EIF2AK2: variants seen among roughly 807,000 people sequenced by gnomAD.
EIF2AK2 encodes eukaryotic translation initiation factor 2 alpha kinase 2, also known as interferon-induced, double-stranded RNA-activated protein kinase.
A neutral mutation model predicts 70.5 loss-of-function variants in EIF2AK2; 40 were observed. That is an observed-to-expected ratio of 0.57 (90% confidence interval 0.44 to 0.74). EIF2AK2 has a LOEUF of 0.74. Ranked by LOEUF, EIF2AK2 falls within the 30% of genes least tolerant of loss-of-function variation. EIF2AK2 has a pLI of 0.00. For synonymous variants in EIF2AK2, 198 were observed against 220.9 expected, an observed-to-expected ratio of 0.90 and a Z score of 0.92; for missense variants, 555 against 644.3, an observed-to-expected ratio of 0.86 and a Z score of 1.50.
At chr2:37,138,222 G>T (rs557603921) in intron 8 of EIF2AK2, 48 bp downstream of exon 8, 23 of 1,402,878 alleles carry the variant, frequency 1.6e-5, no homozygotes, top group Non-Finnish European at 2.0e-5. Context: ...ATGAGGAAAC[G>T]CACAGAAAAA....
chr2:37,136,257 T>C (rs1675123435), intron 9 of EIF2AK2, among the ~76,000 whole-genome samples: 1 of 152,268 alleles, frequency 6.6e-6, no homozygotes, highest in African/African-American at 2.4e-5. Flanking sequence ...GGTTCTTGAC[T>C]GCATCCTGTT....
chr2:37,113,954 G>A (rs1056327401), intron 14 of EIF2AK2, among the ~76,000 whole-genome samples: 1 of 152,078 alleles, frequency 6.6e-6, no homozygotes, highest in Admixed American at 6.5e-5. Context: ...ACCTCAAGAA[G>A]TCTAACACAG....
At chr2:37,147,847 G>A in intron 2 of EIF2AK2, 25 bp from the exon 3 acceptor site, 21 of 1,469,792 alleles carry the variant, frequency 1.4e-5, no homozygotes, top group Non-Finnish European at 2.0e-5. Flanking sequence ...ACATTTGAAT[G>A]AGTGATGCTC....
intron 8 of EIF2AK2, among the ~76,000 whole-genome samples, chr2:37,137,547 G>A (rs1282206179): frequency 2.0e-5 from 3 of 152,176 alleles, no homozygotes; most frequent in African/African-American, 4.8e-5. Flanking sequence ...GGGCTAAAGC[G>A]ATCCTCCTAC....
chr2:37,119,545 C>T (rs1201922459), intron 13 of EIF2AK2, among the ~76,000 whole-genome samples: 3 of 151,790 alleles, frequency 2.0e-5, no homozygotes, highest in African/African-American at 7.3e-5. Flanking sequence ...AACCACTATT[C>T]TAAAACTAGA....
chr2:37,128,217 C>A (rs545935543), intron 10 of EIF2AK2, among the ~76,000 whole-genome samples: 1 of 152,188 alleles, frequency 6.6e-6, no homozygotes, highest in African/African-American at 2.4e-5. Flanking sequence ...TTGAATGACC[C>A]GCCCCACTGA....
intron 5 of EIF2AK2, among the ~76,000 whole-genome samples, chr2:37,140,502 A>G (rs1396205257): frequency 1.3e-5 from 2 of 152,174 alleles, no homozygotes; most frequent in African/African-American, 4.8e-5. Context: ...CGAGAGAAAC[A>G]CATCCAAACA....
At chr2:37,135,579 T>C (rs750912530) in intron 9 of EIF2AK2, 33 bp from the exon 10 acceptor site, 59 of 1,554,330 alleles carry the variant, frequency 3.8e-5, no homozygotes, top group Non-Finnish European at 5.1e-5. Context: ...AAAACTCAAA[T>C]AAAATTGAAA....
chr2:37,127,901 CCTG>C (rs1471625021), intron 10 of EIF2AK2, among the ~76,000 whole-genome samples: 5 of 152,136 alleles, frequency 3.3e-5, no homozygotes, highest in Non-Finnish European at 7.4e-5. Context: ...TGCCACGACA[CCTG>C]CTAATTTTTG....
At chr2:37,140,237 G>A (rs1298293637) in intron 5 of EIF2AK2, among the ~76,000 whole-genome samples, 1 of 151,726 alleles carries the variant, frequency 6.6e-6, no homozygotes, top group South Asian at 2.1e-4. Context: ...ACCATTGTCT[G>A]CCATCTGCTC....
At position 37,104,700 on chromosome 2, in the gene EIF2AK2, T is replaced by G. The variant is rs1484834673; in HGVS notation, c.*2573A>C. The stretch of plus-strand genomic sequence containing the variant: ...ATTGTATCTTACAAGTCTCTCCCCT[T>G]TTTTTTTTTTTCATGACACTGACTT... On this transcript the variant is annotated 3_prime_UTR_variant, in exon 17 of 17. Coordinates refer to ENST00000233057, the MANE Select transcript of EIF2AK2 (RefSeq NM_001135651.3). The G allele has an allele frequency of 6.8e-6, 1 of 146,040 alleles. No individual in the cohort carries two copies. Among genetic ancestry groups the G allele is most frequent in the African/African-American group, 2.5e-5 (1 of 39,930 alleles). 9.0% of individuals were successfully genotyped at this position (146,040 alleles called of 1,614,324 possible).
intron 3 of EIF2AK2, 45 bp from the exon 4 acceptor site, chr2:37,147,018 A>G: frequency 6.4e-7 from 1 of 1,565,056 alleles, no homozygotes; most frequent in South Asian, 1.2e-5. Context: ...CAACTCATGC[A>G]CTATCTAAAA....
intron 1 of EIF2AK2, among the ~76,000 whole-genome samples, chr2:37,156,396 T>TTC (rs1263072223): frequency 6.6e-6 from 1 of 151,514 alleles, no homozygotes; most frequent in Non-Finnish European, 1.5e-5. Context: ...GGAGAAGAGG[T>TTC]AGGGGGTGGA....
chr2:37,107,324 G>T lies in EIF2AK2; in HGVS notation c.1605C>A (p.Thr535=), dbSNP rs1424023304. Residue 535 remains threonine (T), a synonymous_variant, in exon 17 of 17, where the codon ACC becomes ACA. Transcript: ENST00000233057. ...DRPNTSEILR[T]LTVWKKSPEK... ...CTGGGCTTTTCTTCCACACAGTCAA[G>T]GTCCTTAGTATTTCAGATGTGTTAG... 1 of 1,613,806 alleles carries T rather than the reference G, an allele frequency of 6.2e-7. No individual in the cohort carries two copies. The highest frequency in any genetic ancestry group is 1.3e-5 in the African/African-American group (1 of 74,914).
rs62001883 is a variant in EIF2AK2, at chr2:37,138,517, G to C, written c.585C>G (p.Thr195=). Residue 195 remains threonine (T), a synonymous_variant, in exon 7 of 17, where the codon ACC becomes ACG. Transcript: ENST00000233057. The part of the protein sequence containing the change: ...TCESQSNSLV[T]STLASESSSE... Reference sequence around the variant, plus strand: ...TGTTTGTCTACACTTACAGTGTGCTGGTCACTAAAGAGTTGCTTTGGGACT... The same window carrying C: ...TGTTTGTCTACACTTACAGTGTGCTCGTCACTAAAGAGTTGCTTTGGGACT... The C allele has an allele frequency of 8.5e-4, 1,375 of 1,613,998 alleles. 2 individuals carry two copies. Among genetic ancestry groups the C allele is most frequent in the Admixed American group, 1.9e-3 (116 of 60,018 alleles).
intron 4 of EIF2AK2, 64 bp from the exon 5 acceptor site, chr2:37,141,765 ATTC>A (rs2148705473): frequency 6.9e-7 from 1 of 1,454,998 alleles, no homozygotes; most frequent in East Asian, 2.5e-5. Context: ...TTTAAAAATC[ATTC>A]TTCTAATAAA....
intron 1 of EIF2AK2, among the ~76,000 whole-genome samples, chr2:37,151,592 T>C (rs1243240744): frequency 6.6e-6 from 1 of 152,192 alleles, no homozygotes; most frequent in Non-Finnish European, 1.5e-5. Context: ...TCCTAGATAT[T>C]TCAAAGAATT....
intron 13 of EIF2AK2, among the ~76,000 whole-genome samples, chr2:37,116,659 G>T (rs1041097249): frequency 6.6e-6 from 1 of 152,192 alleles, no homozygotes; most frequent in African/African-American, 2.4e-5. Context: ...TTAACAGTCA[G>T]ATTGGAGCCT....
chr2:37,119,945 C>T lies in EIF2AK2; in HGVS notation c.1248+14G>A. On this transcript the variant is annotated intron_variant, in intron 13 of 16. Coordinates refer to ENST00000233057, the MANE Select transcript of EIF2AK2 (RefSeq NM_001135651.3). ...TATATATATATCAATTAATAAAGTA[C>T]ATTTTCCACTTACCTTAAGATCTCT... is the stretch of plus-strand genomic sequence containing the variant. 1.5e-6 allele frequency: 2 copies of T among 1,332,982 alleles called. No homozygotes were observed. Among genetic ancestry groups the T allele is most frequent in the Non-Finnish European group, 9.9e-7 (1 of 1,012,594 alleles). 82.6% of individuals were successfully genotyped at this position (1,332,982 alleles called of 1,614,324 possible). A position where few individuals can be genotyped will look rare whatever the true frequency, so the allele number is the denominator to read the frequency against.
Sources: allele counts gnomAD v4.1 joint callset (sites outside exome capture counted in the v4.1 genomes callset), GRCh38; gene constraint gnomAD v4.1.1; transcripts MANE v1.5; gene names NCBI Gene and HGNC (gene_info 2026-07-23, HGNC 2026-07-21).